IQCJ: variants seen among roughly 807,000 people sequenced by gnomAD.
The protein encoded by IQCJ is IQ domain-containing protein J.
IQCJ carries 9 observed loss-of-function variants against 11.0 expected under a neutral mutation model. That is an observed-to-expected ratio of 0.82 (90% CI 0.49 to 1.43). The LOEUF (loss-of-function observed/expected upper bound fraction) is 1.43, where lower values mean the gene tolerates loss of function less well. Among genes scored for constraint, IQCJ ranks in the 40% most tolerant of loss-of-function variants. The pLI is 0.00. For synonymous variants in IQCJ, 55 were observed against 51.3 expected (o/e 1.07, Z -0.31); for missense variants, 146 against 133.2 (o/e 1.10, Z -0.47).
At chr3:159,088,712 G>C (rs1175417198) in intron 1 of IQCJ, among the ~76,000 whole-genome samples, 1 of 152,024 alleles carries the variant, frequency 6.6e-6, no homozygotes, top group Admixed American at 6.5e-5. Flanking sequence ...TTGGTTTCAA[G>C]TCTGTTTTAT....
chr3:159,252,567 G>T (rs1204491910), intron 2 of IQCJ, among the ~76,000 whole-genome samples, 160 bp from the exon 3 acceptor site: 1 of 151,862 alleles, frequency 6.6e-6, no homozygotes. Flanking sequence ...TCATGATATG[G>T]TTACTCATCC....
chr3:159,226,207 C>T (rs1392735904), intron 1 of IQCJ, among the ~76,000 whole-genome samples: 1 of 152,162 alleles, frequency 6.6e-6, no homozygotes, highest in Non-Finnish European at 1.5e-5. Flanking sequence ...TCCAGTCCCT[C>T]TCCCGTCTCC....
chr3:159,192,223 A>T (rs961092676), intron 1 of IQCJ, among the ~76,000 whole-genome samples: 2 of 152,092 alleles, frequency 1.3e-5, no homozygotes, highest in Non-Finnish European at 2.9e-5. Context: ...TCTCTGTTTA[A>T]ATGTTATTGA....
chr3:159,112,938 G>A (rs1265029593), intron 1 of IQCJ, among the ~76,000 whole-genome samples: 1 of 152,160 alleles, frequency 6.6e-6, no homozygotes, highest in Non-Finnish European at 1.5e-5. Context: ...CCAACTAGAG[G>A]CCTAAATCAA....
intron 1 of IQCJ, among the ~76,000 whole-genome samples, chr3:159,212,359 A>G (rs1462407676): frequency 1.3e-5 from 2 of 152,072 alleles, no homozygotes; most frequent in African/African-American, 2.4e-5. Flanking sequence ...TTATCTGTAA[A>G]ATGGGGGTCA....
At chr3:159,182,391 TG>T (rs1291401234) in intron 1 of IQCJ, among the ~76,000 whole-genome samples, 1 of 151,918 alleles carries the variant, frequency 6.6e-6, no homozygotes, top group Non-Finnish European at 1.5e-5. Flanking sequence ...GCACCTTACT[TG>T]GTCCTTGGCA....
chr3:159,169,086 A>C (rs1722336823), intron 1 of IQCJ, among the ~76,000 whole-genome samples: 1 of 151,992 alleles, frequency 6.6e-6, no homozygotes. Flanking sequence ...ATCTCATTTA[A>C]TTGTCATTTT....
Position 159,262,741 on chromosome 3 carries a change from C to G in IQCJ, c.*10C>G. 2 of 1,610,600 alleles carry G rather than the reference C, an allele frequency of 1.2e-6. No homozygotes were observed. The highest frequency in any genetic ancestry group is 1.7e-6 in the Non-Finnish European group (2 of 1,177,444). On this transcript the variant is annotated 3_prime_UTR_variant, in exon 4 of 4. Transcript: ENST00000397832. ...CTTGACATTCAACTGAAAGCCTAGA[C>G]TTTGGTTCTAAGAGAGAAATCTTGG...
intron 1 of IQCJ, among the ~76,000 whole-genome samples, chr3:159,150,477 T>G (rs1020329033): frequency 6.6e-6 from 1 of 151,686 alleles, no homozygotes; most frequent in Non-Finnish European, 1.5e-5. Flanking sequence ...AGAAGACTGG[T>G]GGAGAATTGC....
At chr3:159,182,938 C>G (rs894049570) in intron 1 of IQCJ, among the ~76,000 whole-genome samples, 1 of 151,908 alleles carries the variant, frequency 6.6e-6, no homozygotes, top group East Asian at 1.9e-4. Context: ...CTTTTTCTTT[C>G]TTTGGAGGCA....
intron 1 of IQCJ, among the ~76,000 whole-genome samples, chr3:159,117,027 TC>T (rs1719064932): frequency 6.6e-6 from 1 of 152,100 alleles, no homozygotes; most frequent in Admixed American, 6.5e-5. Flanking sequence ...AGGAATTATT[TC>T]TTGCTAATTA....
intron 2 of IQCJ, among the ~76,000 whole-genome samples, chr3:159,251,088 C>T (rs767613482): frequency 6.6e-6 from 1 of 152,214 alleles, no homozygotes; most frequent in Middle Eastern, 3.4e-3. Flanking sequence ...AGAGTGCTTC[C>T]TTGCCCCTCA....
At chr3:159,091,634 C>G (rs1717289977) in intron 1 of IQCJ, among the ~76,000 whole-genome samples, 1 of 144,346 alleles carries the variant, frequency 6.9e-6, no homozygotes, top group Non-Finnish European at 1.5e-5. Context: ...TTATGAGAAC[C>G]TAAAGGGGTA....
chr3:159,222,481 G>A (rs1313334718), intron 1 of IQCJ, among the ~76,000 whole-genome samples: 2 of 152,084 alleles, frequency 1.3e-5, no homozygotes, highest in East Asian at 1.9e-4. Flanking sequence ...TCCCCTGTAT[G>A]TGGAATTAAA....
chr3:159,169,279 C>CT (rs141888128), intron 1 of IQCJ, among the ~76,000 whole-genome samples: 374 of 56,306 alleles, frequency 6.6e-3, no homozygotes, highest in Non-Finnish European at 7.9e-3. Context: ...TTCTTTCTTT[C>CT]TTTTTTTTTT....
chr3:159,093,181 G>C (rs889425001), intron 1 of IQCJ, among the ~76,000 whole-genome samples: 1 of 151,732 alleles, frequency 6.6e-6, no homozygotes, highest in Non-Finnish European at 1.5e-5. Context: ...TCAGTCAGCA[G>C]GTGTAGGTTA....
intron 1 of IQCJ, among the ~76,000 whole-genome samples, chr3:159,208,840 A>C (rs1280986039): frequency 6.6e-6 from 1 of 152,216 alleles, no homozygotes; most frequent in Non-Finnish European, 1.5e-5. Flanking sequence ...TCTAAATCCA[A>C]TGACAGGTAT....
chr3:159,150,485 T>G (rs1721146066), intron 1 of IQCJ, among the ~76,000 whole-genome samples: 1 of 151,992 alleles, frequency 6.6e-6, no homozygotes, highest in Non-Finnish European at 1.5e-5. Flanking sequence ...GGTGGAGAAT[T>G]GCAGATGGGC....
rs147203456 is a variant in IQCJ at position 159,101,358 on chromosome 3, G to A, written c.9+31917G>A. 4.2e-3 allele frequency among the ~76,000 whole-genome samples: 634 copies of A among 152,166 alleles called. 5 individuals are homozygous for A. The highest frequency in any genetic ancestry group is 0.014 in the African/African-American group (588 of 41,516). ...TCGCTCAGGCTGGGAGCTGTAGACC[G>A]GAGCTGTTCCTATTCGGCCATCTTG... On this transcript the variant is annotated intron_variant, in intron 1 of 3. Coordinates refer to ENST00000397832, the MANE Select transcript of IQCJ (RefSeq NM_001042706.3).
Sources: allele counts gnomAD v4.1 joint callset (sites outside exome capture counted in the v4.1 genomes callset), GRCh38; gene constraint gnomAD v4.1.1; transcripts MANE v1.5; gene names NCBI Gene and HGNC (gene_info 2026-07-23, HGNC 2026-07-21).